BRWD1: variants seen among roughly 807,000 people sequenced by gnomAD.
BRWD1 encodes the protein bromodomain and WD repeat domain containing 1, also known as bromodomain and WD repeat-containing protein 1.
Under a neutral mutation model 251.2 loss-of-function variants are expected in BRWD1, and 82 were observed. The ratio of observed to expected loss-of-function variants is 0.33; its 90% confidence interval spans 0.27 to 0.39. BRWD1 has a LOEUF of 0.39. BRWD1 is among the 10% of genes least tolerant of loss of function. The pLI, the probability that BRWD1 is intolerant of heterozygous loss-of-function variation, is 1.00. For missense variants in BRWD1, 2,233 were observed against 2,711.6 expected (o/e 0.82, Z 3.92); for synonymous variants, 918 against 902.8 (o/e 1.02, Z -0.30).
chr21:39,225,875 T>C (rs954328826), intron 27 of BRWD1, among the ~76,000 whole-genome samples: 2 of 152,288 alleles, frequency 1.3e-5, no homozygotes, highest in East Asian at 3.9e-4. Context: ...GAGACTAGTA[T>C]AGCTTTAAAC....
intron 9 of BRWD1, among the ~76,000 whole-genome samples, chr21:39,279,582 T>C (rs910499174): frequency 2.3e-5 from 3 of 132,208 alleles, no homozygotes; most frequent in Non-Finnish European, 4.5e-5. Context: ...GAGGCTGCAG[T>C]GAGCCGAGAT....
chr21:39,293,205 A>G (rs1161414369), intron 8 of BRWD1, among the ~76,000 whole-genome samples: 1 of 152,164 alleles, frequency 6.6e-6, no homozygotes, highest in East Asian at 1.9e-4. Flanking sequence ...TTGGTAAATT[A>G]AATCAACTAA....
chr21:39,229,478 T>C, intron 25 of BRWD1, 42 bp from the exon 26 acceptor site: 2 of 1,529,404 alleles, frequency 1.3e-6, no homozygotes, highest in Non-Finnish European at 1.8e-6. Context: ...TAAAAGCAAT[T>C]CCTTAATACT....
At chr21:39,283,422 T>C (rs559043763) in intron 8 of BRWD1, among the ~76,000 whole-genome samples, 3 of 152,344 alleles carry the variant, frequency 2.0e-5, no homozygotes. Context: ...TTAAGACCTT[T>C]CTTCATAAAC....
At chr21:39,267,834 T>C (rs2034972706) in intron 15 of BRWD1, among the ~76,000 whole-genome samples, 1 of 152,180 alleles carries the variant, frequency 6.6e-6, no homozygotes, top group Admixed American at 6.5e-5. Flanking sequence ...GTGTAAAAGT[T>C]AACTTTCTTC....
rs534113733 is a variant in BRWD1 at position 39,257,316 on chromosome 21, C to T, written c.2071+1171G>A. Reference sequence around the variant, plus strand: ...GAAGAATGCGTTTATGTATCTTGTGCCTCTTGCCATGACAGACTGAGGACA... The same window carrying T: ...GAAGAATGCGTTTATGTATCTTGTGTCTCTTGCCATGACAGACTGAGGACA... On this transcript the variant is annotated intron_variant, in intron 18 of 40. Transcript: ENST00000342449. Among the ~76,000 whole-genome samples, 104 of 151,890 alleles carry T rather than the reference C, an allele frequency of 6.8e-4. 2 individuals carry two copies. Among genetic ancestry groups the T allele is most frequent in the African/African-American group, 2.4e-3 (100 of 41,294 alleles).
intron 6 of BRWD1, among the ~76,000 whole-genome samples, 162 bp from the exon 7 acceptor site, chr21:39,296,065 G>C (rs866820036): frequency 6.6e-6 from 1 of 152,110 alleles, no homozygotes; most frequent in Non-Finnish European, 1.5e-5. Flanking sequence ...CAGTAACATA[G>C]ACTTCTTACT....
intron 4 of BRWD1, among the ~76,000 whole-genome samples, chr21:39,309,915 A>G (rs1245328667): frequency 6.6e-6 from 1 of 152,140 alleles, no homozygotes; most frequent in Non-Finnish European, 1.5e-5. Flanking sequence ...TATAATAAGC[A>G]GTCCTTATTT....
chr21:39,221,003 A>C (rs2033153549), intron 29 of BRWD1, among the ~76,000 whole-genome samples: 1 of 151,998 alleles, frequency 6.6e-6, no homozygotes, highest in Admixed American at 6.6e-5. Flanking sequence ...AAAAATACAA[A>C]AACTAGCCAG....
chr21:39,300,015 T>C (rs2036065243), intron 4 of BRWD1, among the ~76,000 whole-genome samples: 1 of 151,978 alleles, frequency 6.6e-6, no homozygotes, highest in Non-Finnish European at 1.5e-5. Context: ...AAGGGACTCA[T>C]AGCTGCTTAC....
At chr21:39,296,046 T>G (rs1215100910) in intron 6 of BRWD1, 143 bp from the exon 7 acceptor site, 1 of 717,180 alleles carries the variant, frequency 1.4e-6, no homozygotes, top group East Asian at 3.1e-5. Context: ...AATTCTATTC[T>G]TCTGTATTCA....
chr21:39,267,703 T>G (rs1224691643), intron 15 of BRWD1, among the ~76,000 whole-genome samples: 1 of 152,178 alleles, frequency 6.6e-6, no homozygotes, highest in Non-Finnish European at 1.5e-5. Flanking sequence ...GCTAAAACCC[T>G]TTTACACAAT....
intron 4 of BRWD1, among the ~76,000 whole-genome samples, chr21:39,301,123 G>T (rs2036099443): frequency 6.6e-6 from 1 of 150,710 alleles, no homozygotes; most frequent in Admixed American, 6.6e-5. Flanking sequence ...AGCTTGCAGT[G>T]AGCCAAGATG....
intron 13 of BRWD1, among the ~76,000 whole-genome samples, chr21:39,271,614 A>G (rs1474761405): frequency 7.0e-6 from 1 of 141,914 alleles, no homozygotes; most frequent in African/African-American, 2.6e-5. Flanking sequence ...GGAGGATAGC[A>G]TGAACCCAGG....
At chr21:39,311,828 G>T (rs1438348861) in intron 4 of BRWD1, among the ~76,000 whole-genome samples, 5 of 152,120 alleles carry the variant, frequency 3.3e-5, no homozygotes, top group African/African-American at 7.2e-5. Context: ...CACATCCTCT[G>T]GTCTCTTCTG....
intron 11 of BRWD1, among the ~76,000 whole-genome samples, chr21:39,276,627 G>T (rs2035289563): frequency 6.6e-6 from 1 of 152,088 alleles, no homozygotes; most frequent in South Asian, 2.1e-4. Flanking sequence ...CTCTGGATGT[G>T]GACTGCCTTC....
intron 25 of BRWD1, 114 bp from the exon 26 acceptor site, chr21:39,229,550 C>G (rs1012861948): frequency 4.1e-6 from 4 of 975,266 alleles, no homozygotes; most frequent in Non-Finnish European, 6.1e-6. Context: ...AACCCGCAGA[C>G]AAGTTTAATT....
intron 4 of BRWD1, among the ~76,000 whole-genome samples, chr21:39,310,056 T>C (rs761102712): frequency 6.6e-6 from 1 of 152,176 alleles, no homozygotes; most frequent in Non-Finnish European, 1.5e-5. Flanking sequence ...GAGCAGACAA[T>C]ATGCAACATT....
chr21:39,219,633 T>A (rs2033092306), intron 29 of BRWD1: 1 of 152,216 alleles, frequency 6.6e-6, no homozygotes, highest in Non-Finnish European at 1.5e-5. Context: ...CATGGGAGCA[T>A]TTCCTCTAGA....
Sources: allele counts gnomAD v4.1 joint callset (sites outside exome capture counted in the v4.1 genomes callset), GRCh38; gene constraint gnomAD v4.1.1; transcripts MANE v1.5; gene names NCBI Gene and HGNC (gene_info 2026-07-23, HGNC 2026-07-21).